Variants in BEND6 observed in about 807,000 individuals in gnomAD.
BEND6 encodes BEN domain-containing protein 6.
A neutral mutation model predicts 31.8 loss-of-function variants in BEND6; 24 were observed. The observed-to-expected ratio is 0.75, with a 90% CI of 0.55 to 1.06. BEND6 has a LOEUF of 1.06. BEND6 is among the 50% of genes least tolerant of loss of function. The pLI, the probability that BEND6 is intolerant of heterozygous loss-of-function variation, is 0.00. For synonymous variants in BEND6, 109 were observed against 114.6 expected (o/e 0.95, Z 0.31); for missense variants, 294 against 327.4 (o/e 0.90, Z 0.79).
intron 3 of BEND6, among the ~76,000 whole-genome samples, chr6:57,012,598 A>G (rs1294604113): frequency 6.6e-6 from 1 of 152,214 alleles, no homozygotes; most frequent in African/African-American, 2.4e-5. Flanking sequence ...AGGCCTTACA[A>G]ACTCATATTT....
At chr6:56,984,135 C>T (rs148796193) in intron 2 of BEND6, among the ~76,000 whole-genome samples, 2 of 151,894 alleles carry the variant, frequency 1.3e-5, no homozygotes, top group African/African-American at 4.8e-5. Flanking sequence ...GTGGGAGGAT[C>T]GCTTCAGTCT....
At chr6:57,007,114 A>C (rs920760036) in intron 3 of BEND6, among the ~76,000 whole-genome samples, 5 of 152,002 alleles carry the variant, frequency 3.3e-5, no homozygotes, top group African/African-American at 1.2e-4. Flanking sequence ...ACACAGGGAG[A>C]CCCATCTCTA....
chr6:56,992,546 A>G lies in BEND6; in HGVS notation c.289A>G (p.Met97Val), dbSNP rs892934040. Residue 97 changes from methionine to valine, a missense_variant, in exon 3 of 7, where the codon ATG (methionine) becomes GTG (valine). Met to Val is a conservative substitution (Grantham distance 21). Coordinates refer to ENST00000370746, the MANE Select transcript of BEND6 (RefSeq NM_152731.3). ...ENSRLRQSLV[M>V]LQVLPQAVTQ... ...CAGCCGACTTCGACAGTCTTTGGTCATGCTTCAAGGTAAACTTTGAGAAAA... is the reference window on the plus strand; with the variant it reads ...CAGCCGACTTCGACAGTCTTTGGTCGTGCTTCAAGGTAAACTTTGAGAAAA... The G allele has an allele frequency of 1.2e-6, 2 of 1,610,812 alleles. No homozygotes were observed. The highest frequency in any genetic ancestry group is 1.1e-5 in the South Asian group (1 of 90,386).
At chr6:56,980,795 C>T (rs1441588267) in intron 1 of BEND6, among the ~76,000 whole-genome samples, 2 of 152,050 alleles carry the variant, frequency 1.3e-5, no homozygotes, top group Non-Finnish European at 2.9e-5. Flanking sequence ...TTCAACAGTC[C>T]ACATATTTCT....
chr6:56,976,807 C>T (rs1203925376), intron 1 of BEND6, among the ~76,000 whole-genome samples: 5 of 150,050 alleles, frequency 3.3e-5, no homozygotes, highest in Admixed American at 6.6e-5. Context: ...TTAAGTGATC[C>T]GCCTGCCTCA....
chr6:56,960,706 A>G (rs1332656177), intron 1 of BEND6, among the ~76,000 whole-genome samples: 7 of 152,244 alleles, frequency 4.6e-5, no homozygotes. Flanking sequence ...GAAGTACTAA[A>G]TGTACCAAGG....
chr6:56,982,977 C>T (rs1343236381), intron 2 of BEND6, among the ~76,000 whole-genome samples: 2 of 152,110 alleles, frequency 1.3e-5, no homozygotes, highest in Non-Finnish European at 2.9e-5. Context: ...TGTTATTGCA[C>T]TGTGTGTATT....
At chr6:56,977,746 C>T (rs916354824) in intron 1 of BEND6, among the ~76,000 whole-genome samples, 7 of 152,074 alleles carry the variant, frequency 4.6e-5, no homozygotes, top group Non-Finnish European at 8.8e-5. Flanking sequence ...CACTTGAAGC[C>T]GGGAGTTTGA....
At chr6:57,009,558 T>G (rs1827274840) in intron 3 of BEND6, 1 of 152,204 alleles carries the variant, frequency 6.6e-6, no homozygotes, top group South Asian at 2.1e-4. Flanking sequence ...GATGACTCCT[T>G]GGATAAATGG....
At chr6:56,974,592 A>G (rs1220363512) in intron 1 of BEND6, among the ~76,000 whole-genome samples, 2 of 152,218 alleles carry the variant, frequency 1.3e-5, no homozygotes, top group African/African-American at 4.8e-5. Flanking sequence ...GACAGAGACC[A>G]TATGGGACAA....
chr6:56,970,586 A>G (rs1825657771), intron 1 of BEND6, among the ~76,000 whole-genome samples: 1 of 152,202 alleles, frequency 6.6e-6, no homozygotes, highest in South Asian at 2.1e-4. Context: ...TAAATAAATA[A>G]ATTGGGGGCA....
At chr6:56,974,492 CA>C in intron 1 of BEND6, among the ~76,000 whole-genome samples, 1 of 152,092 alleles carries the variant, frequency 6.6e-6, no homozygotes, top group South Asian at 2.1e-4. Context: ...TGTTCATAAA[CA>C]AAGTCTAATT....
intron 1 of BEND6, among the ~76,000 whole-genome samples, chr6:56,956,359 G>A (rs1049145172): frequency 6.6e-6 from 1 of 152,220 alleles, no homozygotes; most frequent in African/African-American, 2.4e-5. Flanking sequence ...CAAAATCAGT[G>A]TTGTTTTCCA....
intron 2 of BEND6, among the ~76,000 whole-genome samples, chr6:56,988,112 G>T (rs1314339948): frequency 6.6e-6 from 1 of 151,380 alleles, no homozygotes; most frequent in Admixed American, 6.6e-5. Context: ...CGCCTCCTGG[G>T]TTCAACGGAT....
At chr6:57,007,936 A>G (rs1428870745) in intron 3 of BEND6, among the ~76,000 whole-genome samples, 1 of 152,184 alleles carries the variant, frequency 6.6e-6, no homozygotes, top group East Asian at 1.9e-4. Flanking sequence ...ATACAAGGAG[A>G]AGGCCAGAGA....
At chr6:57,001,105 C>G (rs994844974) in intron 3 of BEND6, among the ~76,000 whole-genome samples, 2 of 151,126 alleles carry the variant, frequency 1.3e-5, no homozygotes, top group African/African-American at 2.4e-5. Context: ...ATGAACATCA[C>G]CAAGACATAG....
chr6:56,986,943 T>C (rs1826299229), intron 2 of BEND6, among the ~76,000 whole-genome samples: 2 of 151,966 alleles, frequency 1.3e-5, no homozygotes, highest in Admixed American at 1.3e-4. Flanking sequence ...GGCCTCTCTG[T>C]CTAGATATTA....
chr6:56,996,011 G>T (rs1489172340), intron 3 of BEND6, among the ~76,000 whole-genome samples: 1 of 152,104 alleles, frequency 6.6e-6, no homozygotes, highest in Non-Finnish European at 1.5e-5. Flanking sequence ...TATATTGCTG[G>T]TCTTTCCATC....
chr6:56,960,505 A>G (rs1825251511), intron 1 of BEND6, among the ~76,000 whole-genome samples: 2 of 152,238 alleles, frequency 1.3e-5, no homozygotes, highest in East Asian at 3.8e-4. Context: ...TTTGGTTATT[A>G]TCTACAAATT....
Sources: gnomAD v4.1 joint callset for allele counts (sites outside exome capture counted in the v4.1 genomes callset) on GRCh38, gnomAD v4.1.1 for gene constraint, MANE v1.5 for transcripts, NCBI Gene and HGNC (gene_info 2026-07-23, HGNC 2026-07-21) for gene names.